GAB2: variants seen among roughly 807,000 people sequenced by gnomAD.
GAB2 encodes the protein GRB2 associated binding protein 2.
A neutral mutation model predicts 65.5 loss-of-function variants in GAB2; 26 were observed. The ratio of observed to expected loss-of-function variants is 0.40; its 90% CI spans 0.29 to 0.55. The LOEUF (loss-of-function observed/expected upper bound fraction) is 0.55, where lower values mean the gene tolerates loss of function less well. Among genes scored for constraint, GAB2 ranks in the 20% least tolerant of loss-of-function variants. The pLI, the probability that GAB2 is intolerant of heterozygous loss-of-function variation, is 0.53. For synonymous variants in GAB2, 321 were observed against 329.6 expected (o/e 0.97, Z 0.28); for missense variants, 884 against 875.8 (o/e 1.01, Z -0.12).
intron 1 of GAB2, among the ~76,000 whole-genome samples, chr11:78,287,797 C>G (rs1331515165): frequency 7.1e-6 from 1 of 141,078 alleles, no homozygotes; most frequent in African/African-American, 2.7e-5. Flanking sequence ...TACAGGTGTG[C>G]ACTGCCACAC....
intron 2 of GAB2, among the ~76,000 whole-genome samples, chr11:78,267,586 C>T (rs577659033): frequency 5.3e-5 from 8 of 152,098 alleles, no homozygotes; most frequent in Non-Finnish European, 8.8e-5. Context: ...AGGCCAGGTG[C>T]GGTGGCTCAC....
intron 1 of GAB2, among the ~76,000 whole-genome samples, chr11:78,360,215 C>T (rs1463348790): frequency 3.3e-5 from 5 of 152,036 alleles, no homozygotes; most frequent in African/African-American, 9.7e-5. Flanking sequence ...AACTGTAAGA[C>T]GATAAATCTC....
At chr11:78,295,721 C>G (rs1212076597) in intron 1 of GAB2, among the ~76,000 whole-genome samples, 1 of 152,064 alleles carries the variant, frequency 6.6e-6, no homozygotes, top group African/African-American at 2.4e-5. Context: ...CTCGAGGAGT[C>G]ACAGAAGTTT....
intron 1 of GAB2, among the ~76,000 whole-genome samples, chr11:78,379,178 G>A (rs920940111): frequency 3.3e-5 from 5 of 152,156 alleles, no homozygotes; most frequent in Non-Finnish European, 7.3e-5. Context: ...GTGACCTCAC[G>A]CTTCTTCAGA....
At chr11:78,323,128 C>T (rs2134665598) in intron 1 of GAB2, among the ~76,000 whole-genome samples, 1 of 152,240 alleles carries the variant, frequency 6.6e-6, no homozygotes, top group East Asian at 1.9e-4. Context: ...CCATGGAATA[C>T]TACACAGCTG....
chr11:78,278,328 C>T (rs1405456317), intron 2 of GAB2, among the ~76,000 whole-genome samples: 1 of 151,934 alleles, frequency 6.6e-6, no homozygotes, highest in Non-Finnish European at 1.5e-5. Context: ...CCTCGACCTC[C>T]CAAAGTGTTG....
chr11:78,395,179 C>T (rs550419186), intron 1 of GAB2, among the ~76,000 whole-genome samples: 1 of 152,192 alleles, frequency 6.6e-6, no homozygotes, highest in Non-Finnish European at 1.5e-5. Flanking sequence ...CCAGGCCAGG[C>T]GCGGCGGCTC....
chr11:78,361,830 G>A (rs924846450), intron 1 of GAB2, among the ~76,000 whole-genome samples: 1 of 152,136 alleles, frequency 6.6e-6, no homozygotes, highest in Non-Finnish European at 1.5e-5. Flanking sequence ...AAGTGTAAGA[G>A]TATATATCCT....
chr11:78,244,009 A>C (rs1718139556), intron 3 of GAB2, among the ~76,000 whole-genome samples: 3 of 152,258 alleles, frequency 2.0e-5, no homozygotes, highest in East Asian at 1.9e-4. Context: ...GGAATTTGCA[A>C]AAAAAAGTCT....
chr11:78,284,735 A>G (rs1238001218), intron 1 of GAB2, among the ~76,000 whole-genome samples: 1 of 151,812 alleles, frequency 6.6e-6, no homozygotes. Context: ...CAAAGCATGT[A>G]TACCCCCAAA....
intron 1 of GAB2, among the ~76,000 whole-genome samples, chr11:78,307,151 ACT>A (rs1454128198): frequency 1.3e-5 from 2 of 152,168 alleles, no homozygotes; most frequent in Non-Finnish European, 2.9e-5. Context: ...GAAAAAATTA[ACT>A]TTCCAACTCA....
chr11:78,410,397 G>A (rs745327427), intron 1 of GAB2, among the ~76,000 whole-genome samples: 7 of 152,180 alleles, frequency 4.6e-5, no homozygotes, highest in Non-Finnish European at 7.4e-5. Context: ...CCAGCTGCTC[G>A]GGAGGCTGAG....
chr11:78,254,555 T>C (rs1381860469), intron 2 of GAB2, among the ~76,000 whole-genome samples: 1 of 152,176 alleles, frequency 6.6e-6, no homozygotes, highest in Non-Finnish European at 1.5e-5. Flanking sequence ...ATCCCAACGC[T>C]TTGGGAGGCC....
intron 1 of GAB2, among the ~76,000 whole-genome samples, 198 bp from the exon 2 acceptor site, chr11:78,281,099 G>A (rs573957338): frequency 5.9e-5 from 9 of 151,860 alleles, no homozygotes; most frequent in Middle Eastern, 3.4e-3. Context: ...GACTACAGAC[G>A]CACATCACCA....
intron 1 of GAB2, among the ~76,000 whole-genome samples, chr11:78,291,551 T>G (rs1280490068): frequency 2.0e-5 from 2 of 101,128 alleles, no homozygotes; most frequent in Non-Finnish European, 3.6e-5. Context: ...AGACTTACTT[T>G]TTTCTTTTTC....
At chr11:78,235,167 T>G (rs534755291) in intron 3 of GAB2, among the ~76,000 whole-genome samples, 1 of 152,178 alleles carries the variant, frequency 6.6e-6, no homozygotes, top group Admixed American at 6.5e-5. Flanking sequence ...TTTCTTTTCT[T>G]TTTGAGACAG....
intron 1 of GAB2, among the ~76,000 whole-genome samples, chr11:78,402,254 G>C (rs1253224882): frequency 6.6e-6 from 1 of 151,746 alleles, no homozygotes; most frequent in Non-Finnish European, 1.5e-5. Context: ...TTCTTCTCTT[G>C]GATTACTTCT....
At chr11:78,360,633 G>C (rs2134716241) in intron 1 of GAB2, among the ~76,000 whole-genome samples, 1 of 152,114 alleles carries the variant, frequency 6.6e-6, no homozygotes, top group South Asian at 2.1e-4. Flanking sequence ...TGAGGCAGGT[G>C]GATCGCCTGA....
At chr11:78,383,962 A>AGCTTCACTGG (rs1293610122) in intron 1 of GAB2, among the ~76,000 whole-genome samples, 6 of 152,102 alleles carry the variant, frequency 3.9e-5, no homozygotes, top group Non-Finnish European at 8.8e-5. Flanking sequence ...GTGGTGCAGG[A>AGCTTCACTGG]GCAGAGAGCT....
Sources: allele counts gnomAD v4.1 joint callset (sites outside exome capture counted in the v4.1 genomes callset), GRCh38; gene constraint gnomAD v4.1.1; transcripts MANE v1.5; gene names NCBI Gene and HGNC (gene_info 2026-07-23, HGNC 2026-07-21).